The following BCL2L11 variants were observed in gnomAD, a reference collection of about 807,000 sequenced individuals.
BCL2L11 encodes the protein BCL2 like 11.
In BCL2L11, 15 loss-of-function variants were observed where a neutral mutation model predicts 20.6. That is an observed-to-expected ratio of 0.73 (90% confidence interval 0.49 to 1.12). BCL2L11 has a LOEUF of 1.12. BCL2L11 is among the 50% of genes most tolerant of loss of function. The pLI is 0.00. For missense variants in BCL2L11, 292 were observed against 260.9 expected, an observed-to-expected ratio of 1.12 and a Z score of -0.82; for synonymous variants, 108 against 92.8, an observed-to-expected ratio of 1.16 and a Z score of -0.94.
At chr2:111,130,313 A>T (rs1271436040) in intron 2 of BCL2L11, 1 of 260,320 alleles carries the variant, frequency 3.8e-6, no homozygotes, top group Non-Finnish European at 7.7e-6. Context: ...CATGTTGGCC[A>T]GGCTGGTCTC....
intron 1 of BCL2L11, among the ~76,000 whole-genome samples, chr2:111,121,465 C>G (rs1184843917): frequency 6.6e-6 from 1 of 152,206 alleles, no homozygotes; most frequent in Non-Finnish European, 1.5e-5. Flanking sequence ...GGTGAAGGGT[C>G]GTAGGTCCGG....
Position 111,164,548 on chromosome 2 carries a change from C to A in BCL2L11, c.*317C>A. On this transcript the variant is annotated 3_prime_UTR_variant, in exon 4 of 4. Transcript: ENST00000393256. ...TACATGCAGTGTGTTTTCCCCCTCA[C>A]CTTCAATAAGGTTTTTCAAAAAGGA... 4.7e-6 allele frequency: 1 copy of A among 211,382 alleles called. No individual in the cohort carries two copies. Among genetic ancestry groups the A allele is most frequent in the Non-Finnish European group, 9.4e-6 (1 of 106,084 alleles). The allele number at this position is 211,382 out of a possible 1,614,324, so 13.1% of individuals were successfully genotyped here.
chr2:111,156,480 GT>G (rs2077868473), intron 3 of BCL2L11, among the ~76,000 whole-genome samples: 1 of 152,184 alleles, frequency 6.6e-6, no homozygotes, highest in African/African-American at 2.4e-5. Flanking sequence ...CAGTGTTTGG[GT>G]TTAGGAGCCT....
In BCL2L11 at chr2:111,124,032, A is replaced by G; in HGVS notation, c.287A>G (p.Tyr96Cys). ...SSLLSRSSSGYFSFDTDRSPA... is the reference protein window; with the variant it reads ...SSLLSRSSSGCFSFDTDRSPA... ...CTGCTGTCTCGATCCTCCAGTGGGTATTTCTCTTTTGACACAGACAGGAGC... is the reference window on the plus strand; with the variant it reads ...CTGCTGTCTCGATCCTCCAGTGGGTGTTTCTCTTTTGACACAGACAGGAGC... Residue 96 changes from tyrosine (Y) to cysteine (C), a missense_variant, in exon 2 of 4, where the codon TAT (tyrosine) becomes TGT (cysteine). Tyr to Cys is a radical substitution (Grantham distance 194, BLOSUM62 -2). Transcript: ENST00000393256. The G allele has an allele frequency of 6.2e-7, 1 of 1,614,142 alleles. No homozygotes were observed. The highest frequency in any genetic ancestry group is 2.2e-5 in the East Asian group (1 of 44,876).
Position 111,128,603 on chromosome 2 carries a change from C to CTT in BCL2L11, c.394+4481_394+4482dup, listed in dbSNP as rs58812324. 12,509 of 1,391,202 alleles carry CTT rather than the reference C, an allele frequency of 9.0e-3. 1 individual carries two copies. The highest frequency in any genetic ancestry group is 0.014 in the South Asian group (953 of 66,546). 86.2% of individuals were successfully genotyped at this position (1,391,202 alleles called of 1,614,324 possible). On this transcript the variant is annotated intron_variant, in intron 2 of 3. Transcript: ENST00000393256. ...CAGTTTCTCCACATACTTACCAACA[C>CTT]TTTTTTTTTTTTTTTTTTAACAGTA...
chr2:111,143,384 A>G (rs1444925835), intron 2 of BCL2L11, among the ~76,000 whole-genome samples: 2 of 152,188 alleles, frequency 1.3e-5, no homozygotes, highest in African/African-American at 4.8e-5. Flanking sequence ...AGGGGATGTC[A>G]TACAAGGCAC....
At chr2:111,154,365 A>G (rs563784755) in intron 3 of BCL2L11, among the ~76,000 whole-genome samples, 1 of 152,156 alleles carries the variant, frequency 6.6e-6, no homozygotes, top group Admixed American at 6.5e-5. Context: ...AAAAAAAAAA[A>G]AAAAGAAAAA....
chr2:111,126,704 T>A (rs945911193), intron 2 of BCL2L11, among the ~76,000 whole-genome samples: 19 of 152,354 alleles, frequency 1.2e-4, no homozygotes, highest in Middle Eastern at 6.8e-3. Context: ...CTTTGTTTAG[T>A]ATTCTTTACT....
chr2:111,125,046 T>C (rs151103110), intron 2 of BCL2L11, among the ~76,000 whole-genome samples: 1 of 152,350 alleles, frequency 6.6e-6, no homozygotes, highest in East Asian at 1.9e-4. Context: ...GGAACTGACC[T>C]GGTGGAGACT....
chr2:111,143,206 A>G (rs572674088), intron 2 of BCL2L11, among the ~76,000 whole-genome samples: 1 of 152,306 alleles, frequency 6.6e-6, no homozygotes, highest in Non-Finnish European at 1.5e-5. Flanking sequence ...ACTTACTAGG[A>G]TGAAGGTTGG....
At chr2:111,122,977 C>T in intron 1 of BCL2L11, 1 of 985,346 alleles carries the variant, frequency 1.0e-6, no homozygotes, top group Non-Finnish European at 1.2e-6. Flanking sequence ...ATGAAGGCGG[C>T]GCGGCGCGCA....
chr2:111,128,668 G>A, intron 2 of BCL2L11: 1 of 1,546,308 alleles, frequency 6.5e-7, no homozygotes, highest in Non-Finnish European at 8.7e-7. Context: ...ACTGTGCTTT[G>A]GATTTATATT....
intron 3 of BCL2L11, among the ~76,000 whole-genome samples, chr2:111,155,443 A>G (rs1220450612): frequency 1.3e-5 from 2 of 152,164 alleles, no homozygotes; most frequent in Non-Finnish European, 2.9e-5. Context: ...TACTGGAAGG[A>G]TAGTGTCTAC....
At chr2:111,158,523 C>T (rs1055913378) in intron 3 of BCL2L11, among the ~76,000 whole-genome samples, 4 of 151,250 alleles carry the variant, frequency 2.6e-5, no homozygotes, top group Non-Finnish European at 4.4e-5. Flanking sequence ...AATTCAGCCT[C>T]CTATTATATA....
intron 3 of BCL2L11, among the ~76,000 whole-genome samples, chr2:111,158,272 G>A (rs1378603807): frequency 8.5e-5 from 13 of 152,192 alleles, no homozygotes; most frequent in Non-Finnish European, 2.9e-5. Context: ...TGAACGAGTC[G>A]TGGAGTGGTA....
In BCL2L11 at chr2:111,124,158, A is replaced by G. The variant is rs1462365687; in HGVS notation, c.394+19A>G. 4 of 1,584,840 alleles carry G rather than the reference A, an allele frequency of 2.5e-6. No homozygotes were observed. Among genetic ancestry groups the G allele is most frequent in the Non-Finnish European group, 3.4e-6 (4 of 1,164,978 alleles). ...GCAATGGGTAAGCAATGCCTGGGTAAGAGGCAGTTGACGTGTGGATGGTTG... is the reference window on the plus strand; with the variant it reads ...GCAATGGGTAAGCAATGCCTGGGTAGGAGGCAGTTGACGTGTGGATGGTTG... On this transcript the variant is annotated intron_variant, in intron 2 of 3. Coordinates refer to ENST00000393256, the MANE Select transcript of BCL2L11 (RefSeq NM_138621.5).
chr2:111,122,789 G>A, intron 1 of BCL2L11: 5 of 985,272 alleles, frequency 5.1e-6, no homozygotes, highest in Non-Finnish European at 6.0e-6. Flanking sequence ...CTCTGAACCC[G>A]AGTCCCGGGC....
chr2:111,168,064 T>TA lies in BCL2L11; in HGVS notation c.*3836dup, dbSNP rs2079110385. On this transcript the variant is annotated 3_prime_UTR_variant, in exon 4 of 4. Coordinates refer to ENST00000393256, the MANE Select transcript of BCL2L11 (RefSeq NM_138621.5). ...ACGCTAAATCAGTTGGGGTCTACTCTAAACAGCATTGTGTGTAAGAAGCAT... is the reference window on the plus strand; with the variant it reads ...ACGCTAAATCAGTTGGGGTCTACTCTAAAACAGCATTGTGTGTAAGAAGCAT... 6.6e-6 allele frequency: 1 copy of TA among 152,668 alleles called. No individual in the cohort carries two copies. Among genetic ancestry groups the TA allele is most frequent in the South Asian group, 2.1e-4 (1 of 4,832 alleles). 9.5% of individuals were successfully genotyped at this position (152,668 alleles called of 1,614,324 possible). A position where few individuals can be genotyped will look rare whatever the true frequency, so the allele number is the denominator to read the frequency against.
At position 111,166,547 on chromosome 2, in the gene BCL2L11, A is replaced by T. The variant is rs1011215388; in HGVS notation, c.*2316A>T. ...CAGAAAGTATGCCTCCCGTGGGTATACGTTTTTACCTTTTTTAAAAAACAT... is the reference window on the plus strand; with the variant it reads ...CAGAAAGTATGCCTCCCGTGGGTATTCGTTTTTACCTTTTTTAAAAAACAT... On this transcript the variant is annotated 3_prime_UTR_variant, in exon 4 of 4. Coordinates refer to ENST00000393256, the MANE Select transcript of BCL2L11 (RefSeq NM_138621.5). 1.3e-5 allele frequency: 2 copies of T among 152,704 alleles called. No individual in the cohort carries two copies. Among genetic ancestry groups the T allele is most frequent in the African/African-American group, 2.4e-5 (1 of 41,464 alleles). The allele number at this position is 152,704 out of a possible 1,614,324, so 9.5% of individuals were successfully genotyped here.
Sources: allele counts gnomAD v4.1 joint callset (sites outside exome capture counted in the v4.1 genomes callset), GRCh38; gene constraint gnomAD v4.1.1; transcripts MANE v1.5; gene names NCBI Gene and HGNC (gene_info 2026-07-23, HGNC 2026-07-21).